FARS2: variants seen among roughly 807,000 people sequenced by gnomAD.
The protein encoded by FARS2 is phenylalanine--tRNA ligase, mitochondrial.
Under a neutral mutation model 46.4 loss-of-function variants are expected in FARS2, and 40 were observed. That is an observed-to-expected ratio of 0.86 (90% CI 0.67 to 1.12). The LOEUF (loss-of-function observed/expected upper bound fraction) is 1.12, where lower values mean the gene tolerates loss of function less well. Among genes scored for constraint, FARS2 ranks in the 50% most tolerant of loss-of-function variants. The pLI, the probability that FARS2 is intolerant of heterozygous loss-of-function variation, is 0.00. For missense variants in FARS2, 513 were observed against 567.9 expected (o/e 0.90, Z 0.98); for synonymous variants, 234 against 214.9 (o/e 1.09, Z -0.78).
intron 1 of FARS2, among the ~76,000 whole-genome samples, chr6:5,309,842 G>A (rs996297806): frequency 1.7e-4 from 26 of 152,150 alleles, no homozygotes; most frequent in African/African-American, 6.3e-4. Flanking sequence ...GAGGAATTTG[G>A]TACAGTGTTA....
At chr6:5,364,315 A>G (rs1454954067) in intron 1 of FARS2, among the ~76,000 whole-genome samples, 1 of 152,190 alleles carries the variant, frequency 6.6e-6, no homozygotes, top group Non-Finnish European at 1.5e-5. Context: ...GTTTCTAAGG[A>G]TGATACATGG....
At chr6:5,344,896 T>A (rs2127596831) in intron 1 of FARS2, among the ~76,000 whole-genome samples, 1 of 152,048 alleles carries the variant, frequency 6.6e-6, no homozygotes, top group East Asian at 1.9e-4. Context: ...TTCAAACAAT[T>A]CTCCTGCCTC....
intron 2 of FARS2, among the ~76,000 whole-genome samples, chr6:5,380,964 T>A (rs923758336): frequency 2.7e-5 from 4 of 148,128 alleles, no homozygotes; most frequent in African/African-American, 1.0e-4. Flanking sequence ...AGTAGTTCAT[T>A]ATAGCAATTA....
chr6:5,455,548 C>T (rs999355944), intron 4 of FARS2, among the ~76,000 whole-genome samples: 2 of 152,166 alleles, frequency 1.3e-5, no homozygotes, highest in African/African-American at 4.8e-5. Flanking sequence ...TTTCCCCCAT[C>T]CTACTTCTAA....
chr6:5,432,425 A>G (rs1166248956), intron 4 of FARS2, among the ~76,000 whole-genome samples: 1 of 128,604 alleles, frequency 7.8e-6, no homozygotes, highest in Non-Finnish European at 1.6e-5. Flanking sequence ...AATATATAAT[A>G]TATTATAAAT....
intron 3 of FARS2, among the ~76,000 whole-genome samples, chr6:5,412,524 C>T (rs1761993805): frequency 6.6e-6 from 1 of 152,188 alleles, no homozygotes; most frequent in African/African-American, 2.4e-5. Context: ...TTCTAGGGCC[C>T]TGTGTTGTGA....
At chr6:5,372,072 GA>G (rs1476059433) in intron 2 of FARS2, among the ~76,000 whole-genome samples, 2 of 152,060 alleles carry the variant, frequency 1.3e-5, no homozygotes, top group South Asian at 2.1e-4. Flanking sequence ...CAGTAACAAA[GA>G]GGGGTAGTTC....
At chr6:5,257,444 T>C (rs139400233), upstream of FARS2, among the ~76,000 whole-genome samples, 4 of 152,350 alleles carry the variant, frequency 2.6e-5, no homozygotes, top group Admixed American at 1.3e-4. Flanking sequence ...GTGTCCCACA[T>C]AGGCCTGTAA....
chr6:5,260,530 C>A (rs1561910958), upstream of FARS2: 2 of 1,381,904 alleles, frequency 1.4e-6, no homozygotes, highest in Non-Finnish European at 2.0e-6. Flanking sequence ...GTCCTTGCCT[C>A]GCAGCCGCCG....
chr6:5,576,571 A>C (rs1186808579), intron 5 of FARS2, among the ~76,000 whole-genome samples: 1 of 146,232 alleles, frequency 6.8e-6, no homozygotes, highest in African/African-American at 2.6e-5. Context: ...TATAGAGTAT[A>C]TATCTATGAT....
chr6:5,744,253 C>T (rs1761519006), intron 6 of FARS2, among the ~76,000 whole-genome samples: 1 of 152,132 alleles, frequency 6.6e-6, no homozygotes, highest in African/African-American at 2.4e-5. Context: ...GTGGAGAGAC[C>T]AAGCCAGAAC....
chr6:5,625,610 G>A (rs141563078), intron 6 of FARS2, among the ~76,000 whole-genome samples: 168 of 152,274 alleles, frequency 1.1e-3, no homozygotes, highest in African/African-American at 3.9e-3. Flanking sequence ...AGAGACAAGT[G>A]GCCAGTGGAC....
chr6:5,431,014 T>A (rs1412610699), intron 3 of FARS2, 27 bp from the exon 4 acceptor site: 1 of 1,610,666 alleles, frequency 6.2e-7, no homozygotes, highest in Non-Finnish European at 8.5e-7. Context: ...TTAACACTAC[T>A]TATTTGTTTC....
At chr6:5,705,955 G>A (rs910097091) in intron 6 of FARS2, among the ~76,000 whole-genome samples, 50 of 152,170 alleles carry the variant, frequency 3.3e-4, no homozygotes, top group African/African-American at 1.1e-3. Context: ...AGTCCTCTGT[G>A]TCCAGCAGTG....
At chr6:5,539,945 C>T (rs1353265467) in intron 4 of FARS2, among the ~76,000 whole-genome samples, 1 of 152,112 alleles carries the variant, frequency 6.6e-6, no homozygotes, top group Non-Finnish European at 1.5e-5. Context: ...GAAGACGTGC[C>T]ACATCAGTCT....
intron 2 of FARS2, among the ~76,000 whole-genome samples, chr6:5,393,180 A>G (rs1760680882): frequency 6.6e-6 from 1 of 152,082 alleles, no homozygotes; most frequent in Non-Finnish European, 1.5e-5. Context: ...CTTGGTCGCA[A>G]TAAATAATTG....
At chr6:5,497,407 T>C (rs983653560) in intron 4 of FARS2, among the ~76,000 whole-genome samples, 2 of 152,176 alleles carry the variant, frequency 1.3e-5, no homozygotes, top group African/African-American at 4.8e-5. Context: ...AGTGAATCTT[T>C]TTGCCAGGCC....
At position 5,359,907 on chromosome 6, in the gene FARS2, A is replaced by G. The variant is rs535057434; in HGVS notation, c.-21-8643A>G. Among the ~76,000 whole-genome samples, 130 of 152,360 alleles carry G rather than the reference A, an allele frequency of 8.5e-4. 1 individual carries two copies. The highest frequency in any genetic ancestry group is 1.2e-3 in the Non-Finnish European group (80 of 68,038). ...GTCTTTTGTCACTTACTTGCTCCAG[A>G]ATCAATCAGAAAAACATACCCTGAT... On this transcript the variant is annotated intron_variant, in intron 1 of 6. Transcript: ENST00000274680.
intron 6 of FARS2, among the ~76,000 whole-genome samples, chr6:5,616,010 TA>T (rs11327256): frequency 0.22 from 21,129 of 95,822 alleles, 1,884 homozygotes; most frequent in East Asian, 0.37. Flanking sequence ...CCATAGCTCT[TA>T]AAAAAAAAAA....
Sources: gnomAD v4.1 joint callset for allele counts (sites outside exome capture counted in the v4.1 genomes callset) on GRCh38, gnomAD v4.1.1 for gene constraint, MANE v1.5 for transcripts, NCBI Gene and HGNC (gene_info 2026-07-23, HGNC 2026-07-21) for gene names.